The following PCDHA6 variants were observed in gnomAD, a reference collection of about 807,000 sequenced individuals.
PCDHA6 encodes the protein protocadherin alpha-6.
Under a neutral mutation model 60.3 loss-of-function variants are expected in PCDHA6, and 55 were observed. The ratio of observed to expected loss-of-function variants is 0.91; its 90% confidence interval spans 0.73 to 1.14. The LOEUF is 1.14. Among genes scored for constraint, PCDHA6 ranks in the 50% most tolerant of loss-of-function variants. PCDHA6 has a pLI of 0.00. For missense variants in PCDHA6, 1,327 were observed against 1,256.5 expected, an observed-to-expected ratio of 1.06 and a Z score of -0.85; for synonymous variants, 652 against 557.9, an observed-to-expected ratio of 1.17 and a Z score of -2.38.
At chr5:140,877,109 G>T (rs370191624) in intron 1 of PCDHA6, 1 of 1,613,590 alleles carries the variant, frequency 6.2e-7, no homozygotes, top group South Asian at 1.1e-5. Flanking sequence ...CCGCCTCTGG[G>T]CAGCAACGTG....
intron 1 of PCDHA6, among the ~76,000 whole-genome samples, chr5:140,921,809 C>CA (rs1184598188): frequency 6.6e-6 from 1 of 151,940 alleles, no homozygotes; most frequent in Non-Finnish European, 1.5e-5. Context: ...AGATAAGATA[C>CA]ATGTGTGAAT....
At chr5:140,989,041 A>G (rs531223216) in intron 3 of PCDHA6, 1 of 152,340 alleles carries the variant, frequency 6.6e-6, no homozygotes, top group Admixed American at 6.5e-5. Flanking sequence ...GATTCCTTTA[A>G]TATGCCAGCT....
intron 1 of PCDHA6, chr5:140,869,955 T>G: frequency 2.5e-6 from 4 of 1,612,860 alleles, no homozygotes; most frequent in Non-Finnish European, 3.4e-6. Flanking sequence ...TAATGTCAAT[T>G]AAGCCCAATG....
At chr5:140,835,792 C>G (rs2150244938) in intron 1 of PCDHA6, 3 of 1,613,122 alleles carry the variant, frequency 1.9e-6, no homozygotes, top group Non-Finnish European at 2.5e-6. Flanking sequence ...AACAACCCGC[C>G]GGGCTGCCAC....
chr5:140,934,346 G>T (rs941608404), intron 1 of PCDHA6, among the ~76,000 whole-genome samples: 1 of 152,130 alleles, frequency 6.6e-6, no homozygotes, highest in South Asian at 2.1e-4. Flanking sequence ...CACCAGTACA[G>T]TGTGGAGCCA....
intron 1 of PCDHA6, among the ~76,000 whole-genome samples, chr5:140,840,447 C>T (rs1442089035): frequency 1.3e-5 from 2 of 151,740 alleles, no homozygotes; most frequent in East Asian, 1.9e-4. Flanking sequence ...GAAATAGAAA[C>T]GTTAAATAAA....
intron 2 of PCDHA6, among the ~76,000 whole-genome samples, chr5:140,979,303 C>A (rs1048294748): frequency 6.6e-6 from 1 of 152,148 alleles, no homozygotes; most frequent in Non-Finnish European, 1.5e-5. Context: ...CTCCTTCATC[C>A]CTCTCTACCT....
chr5:140,883,147 T>C, intron 1 of PCDHA6: 2 of 1,614,064 alleles, frequency 1.2e-6, no homozygotes, highest in Non-Finnish European at 1.7e-6. Context: ...TATATGCATT[T>C]ACCATAAATC....
rs782778260 is a variant in PCDHA6 at position 140,830,136 on chromosome 5, C to A, written c.2045C>A (p.Ala682Glu). 6.2e-7 allele frequency: 1 copy of A among 1,613,258 alleles called. No homozygotes were observed. The highest frequency in any genetic ancestry group is 1.1e-5 in the South Asian group (1 of 91,042). ...CAGGCTCCAAAGGCGTCATCACGGG[C>A]GTCGGTGGGCGCCGCGGGCCCAGAG... ...SGQAPKASSRASVGAAGPEAA... is the reference protein window; with the variant it reads ...SGQAPKASSRESVGAAGPEAA... The change falls in exon 1 of 4, where the codon GCG becomes GAG. Residue 682 changes from alanine to glutamate, a missense_variant. By Grantham distance (107) the Ala-to-Glu change is moderately radical. Coordinates refer to ENST00000529310, the MANE Select transcript of PCDHA6 (RefSeq NM_018909.4).
At chr5:140,888,610 A>G (rs1180344966) in intron 1 of PCDHA6, among the ~76,000 whole-genome samples, 1 of 152,210 alleles carries the variant, frequency 6.6e-6, no homozygotes, top group African/African-American at 2.4e-5. Context: ...CTTTTAGTGT[A>G]GCACTAATTC....
intron 1 of PCDHA6, chr5:140,835,455 C>T: frequency 2.5e-6 from 4 of 1,613,900 alleles, no homozygotes; most frequent in Non-Finnish European, 3.4e-6. Context: ...CCTGTCTCTC[C>T]CTATTCCAGA....
At chr5:140,841,515 G>T (rs2150317088) in intron 1 of PCDHA6, 6 of 1,606,628 alleles carry the variant, frequency 3.7e-6, no homozygotes, top group Middle Eastern at 3.5e-4. Context: ...CGCCTGTTCC[G>T]GGTGGCGTCC....
chr5:140,851,389 T>C, intron 1 of PCDHA6: 1 of 974,212 alleles, frequency 1.0e-6, no homozygotes, highest in Non-Finnish European at 1.2e-6. Flanking sequence ...ACCTTCAGTA[T>C]CTATTATTTT....
At chr5:140,925,082 A>G (rs1362065754) in intron 1 of PCDHA6, among the ~76,000 whole-genome samples, 1 of 147,284 alleles carries the variant, frequency 6.8e-6, no homozygotes, top group African/African-American at 2.6e-5. Context: ...GCTCATCTGG[A>G]AAGGAAGGAA....
intron 3 of PCDHA6, among the ~76,000 whole-genome samples, chr5:141,002,340 TTC>T (rs1554258614): frequency 5.3e-4 from 81 of 152,342 alleles, no homozygotes; most frequent in African/African-American, 1.9e-3. Flanking sequence ...TCCGCACCCC[TTC>T]CCCCACCTCC....
At chr5:140,875,094 T>C (rs1554167483) in intron 1 of PCDHA6, among the ~76,000 whole-genome samples, 1 of 152,258 alleles carries the variant, frequency 6.6e-6, no homozygotes. Flanking sequence ...AAATTGTTGA[T>C]GTTTTGTTAC....
At chr5:140,870,535 G>C (rs1279597936) in intron 1 of PCDHA6, 2 of 1,614,056 alleles carry the variant, frequency 1.2e-6, no homozygotes, top group Non-Finnish European at 8.5e-7. Context: ...CACAGTGTCG[G>C]CGCGGGACGC....
At chr5:140,870,587 A>T (rs1185262788) in intron 1 of PCDHA6, 2 of 1,613,660 alleles carry the variant, frequency 1.2e-6, no homozygotes, top group East Asian at 2.2e-5. Flanking sequence ...TCGCTGGTGG[A>T]GCGGCGGTTG....
intron 1 of PCDHA6, chr5:140,836,172 G>A (rs782290158): frequency 6.2e-7 from 1 of 1,613,766 alleles, no homozygotes; most frequent in Non-Finnish European, 8.5e-7. Flanking sequence ...GGTACGTGCA[G>A]TTGACGCTGA....
Sources: gnomAD v4.1 joint callset for allele counts (sites outside exome capture counted in the v4.1 genomes callset) on GRCh38, gnomAD v4.1.1 for gene constraint, MANE v1.5 for transcripts, NCBI Gene and HGNC (gene_info 2026-07-23, HGNC 2026-07-21) for gene names.